ETV3: variants seen among roughly 807,000 people sequenced by gnomAD.
The protein encoded by ETV3 is ETS variant transcription factor 3.
ETV3 carries 8 observed loss-of-function variants against 33.0 expected under a neutral mutation model. That is an observed-to-expected ratio of 0.24 (90% confidence interval 0.14 to 0.44). The LOEUF is 0.44. Among genes scored for constraint, ETV3 ranks in the 20% least tolerant of loss-of-function variants. The pLI is 1.00. For missense variants in ETV3, 473 were observed against 652.3 expected (o/e 0.73, Z 2.99); for synonymous variants, 222 against 238.9 (o/e 0.93, Z 0.65).
At chr1:157,136,201 G>A (rs553651387) in intron 2 of ETV3, 106 bp downstream of exon 2, 27 of 1,073,122 alleles carry the variant, frequency 2.5e-5, no homozygotes, top group Non-Finnish European at 3.7e-5. Flanking sequence ...CTAGCCAAGA[G>A]AGTGTCAGTC....
chr1:157,124,785 TA>T lies in ETV3; in HGVS notation c.*55del. The stretch of plus-strand genomic sequence containing the variant: ...CCCCCCACCCTGAAATCTTGCTACA[TA>T]AATACATGTATGTATTTGATTATAG... On this transcript the variant is annotated 3_prime_UTR_variant, in exon 5 of 5. Coordinates refer to ENST00000368192, the MANE Select transcript of ETV3 (RefSeq NM_001145312.3). 1 of 193,560 alleles carries T rather than the reference TA, an allele frequency of 5.2e-6. No individual in the cohort carries two copies. Among genetic ancestry groups the T allele is most frequent in the Non-Finnish European group, 9.0e-6 (1 of 110,902 alleles). 12.0% of individuals were successfully genotyped at this position (193,560 alleles called of 1,614,324 possible). A position where few individuals can be genotyped will look rare whatever the true frequency, so the allele number is the denominator to read the frequency against.
At chr1:157,127,228 C>T (rs1218094777) in intron 4 of ETV3, among the ~76,000 whole-genome samples, 6 of 152,248 alleles carry the variant, frequency 3.9e-5, no homozygotes, top group African/African-American at 1.4e-4. Flanking sequence ...AGACCCTATA[C>T]CTCACATACA....
In ETV3 at chr1:157,125,825, A is replaced by T. The variant is rs1409032257; in HGVS notation, c.555T>A (p.Thr185=). The change falls in exon 5 of 5, where the codon ACT becomes ACA. Residue 185 remains threonine, a synonymous_variant. Coordinates refer to ENST00000368192, the MANE Select transcript of ETV3 (RefSeq NM_001145312.3). This position sits in a 1 kb window ranked among gnomAD's most constrained non-coding sequence, Gnocchi z 4.0. ...TASGQESSNG[T]DRKTELSELE... ...GCTCTGAAAGCTCAGTCTTTCTATC[A>T]GTACCATTACTGGACTCCTGGCCAG... 6 of 1,551,608 alleles carry T rather than the reference A, an allele frequency of 3.9e-6. No individual in the cohort carries two copies. In the East Asian group the frequency reaches 1.5e-4, roughly 38 times the overall value.
At chr1:157,127,629 T>C (rs1283571830) in intron 4 of ETV3, among the ~76,000 whole-genome samples, 1 of 147,648 alleles carries the variant, frequency 6.8e-6, no homozygotes, top group Non-Finnish European at 1.5e-5. Flanking sequence ...CAATGCAACC[T>C]CCACCTCCTG....
intron 1 of ETV3, 71 bp from the exon 2 acceptor site, chr1:157,136,436 A>G: frequency 7.1e-7 from 1 of 1,406,976 alleles, no homozygotes; most frequent in South Asian, 1.3e-5. Context: ...GTTTTCTGGC[A>G]GTCTCTCCCC....
rs576940703 is a variant in ETV3 at position 157,123,132 on chromosome 1, C to T, written c.*1709G>A. On this transcript the variant is annotated 3_prime_UTR_variant, in exon 5 of 5. Coordinates refer to ENST00000368192, the MANE Select transcript of ETV3 (RefSeq NM_001145312.3). ...TAGGCTAAGGTGGAGTCAGAAATGT[C>T]TCTAATTGTAGACACCATCTCTGTG... is the stretch of plus-strand genomic sequence containing the variant. 4 of 152,340 alleles carry T rather than the reference C, an allele frequency of 2.6e-5. No homozygotes were observed. The East Asian group carries it at 7.7e-4, about 29-fold the overall frequency. The allele number at this position is 152,340 out of a possible 1,614,324, so 9.4% of individuals were successfully genotyped here.
chr1:157,135,076 T>A (rs1198173198), intron 3 of ETV3: 1 of 249,950 alleles, frequency 4.0e-6, no homozygotes, highest in Non-Finnish European at 7.7e-6. Context: ...ACTTGCTTCA[T>A]CCTTTTCTAA....
intron 4 of ETV3, among the ~76,000 whole-genome samples, chr1:157,130,301 T>C (rs1310335934): frequency 6.6e-6 from 1 of 152,176 alleles, no homozygotes; most frequent in Non-Finnish European, 1.5e-5. Context: ...CTGGGAAGCA[T>C]TGCTTCTAGC....
Position 157,125,937 on chromosome 1 carries a change from G to C in ETV3, c.443C>G (p.Ser148Cys). Residue 148 changes from serine (S) to cysteine (C), a missense_variant, in exon 5 of 5, where the codon TCC (serine) becomes TGC (cysteine). Physicochemically the swap from Ser to Cys is moderately radical, Grantham distance 112 (BLOSUM62 -1). Coordinates refer to ENST00000368192, the MANE Select transcript of ETV3 (RefSeq NM_001145312.3). This position sits in a 1 kb window ranked among gnomAD's most constrained non-coding sequence, Gnocchi z 4.0. ...GTCCAGAGGTGGGAAATGGAACCGG[G>C]AAGAGGCTGTTGGCACTGGTGGTGC... is the stretch of plus-strand genomic sequence containing the variant. ...QSAPPVPTASSRFHFPPLDTH... is the reference protein window; with the variant it reads ...QSAPPVPTASCRFHFPPLDTH... 1 of 1,551,652 alleles carries C rather than the reference G, an allele frequency of 6.4e-7. No individual in the cohort carries two copies. Among genetic ancestry groups the C allele is most frequent in the Non-Finnish European group, 8.7e-7 (1 of 1,146,974 alleles).
rs1405097486 is a variant in ETV3, at chr1:157,134,290, G to A, written c.285-63C>T. 3 of 1,558,406 alleles carry A rather than the reference G, an allele frequency of 1.9e-6. No individual in the cohort carries two copies. The South Asian group carries it at 3.7e-5, about 19-fold the overall frequency. ...CTACTGACAGCTTTCAATACACTTA[G>A]GTAGCCACTGAGACCAACAATTCTT... On this transcript the variant is annotated intron_variant, in intron 3 of 4. Transcript: ENST00000368192.
rs531755612 is a variant in ETV3, at chr1:157,123,897, TCA to T, written c.*942_*943del. The T allele has an allele frequency of 7.2e-5, 11 of 152,192 alleles. No homozygotes were observed. The highest frequency in any genetic ancestry group is 3.9e-4 in the Admixed American group (6 of 15,292). The allele number at this position is 152,192 out of a possible 1,614,324, so 9.4% of individuals were successfully genotyped here. On this transcript the variant is annotated 3_prime_UTR_variant, in exon 5 of 5. Coordinates refer to ENST00000368192, the MANE Select transcript of ETV3 (RefSeq NM_001145312.3). ...TTGTCATGCCTCTCAGTGAACGTGC[TCA>T]CAGTCACACTTGGTTTGGCTCCCCA...
rs1674815695 is a variant in ETV3 at position 157,125,671 on chromosome 1, G to C, written c.709C>G (p.Pro237Ala). Residue 237 changes from proline to alanine, a missense_variant, in exon 5 of 5, where the codon CCA (proline) becomes GCA (alanine). Pro to Ala is a conservative substitution (Grantham distance 27). Transcript: ENST00000368192. The surrounding 1 kb of genome is among the most constrained non-coding windows in gnomAD (Gnocchi z 4.0). ...PDIMLPLFAR[P>A]GMYPDPHSPF... ...CTGTGGGGGTCAGGGTACATCCCTG[G>C]CCTAGCAAACAGAGGAAGCATTATG... 2 of 1,551,530 alleles carry C rather than the reference G, an allele frequency of 1.3e-6. No individual in the cohort carries two copies. Among genetic ancestry groups the C allele is most frequent in the Non-Finnish European group, 1.7e-6 (2 of 1,146,976 alleles).
chr1:157,124,754 T>TGCC lies in ETV3; in HGVS notation c.*86_*87insGGC. 3.0e-6 allele frequency: 1 copy of TGCC among 328,824 alleles called. No individual in the cohort carries two copies. Among genetic ancestry groups the TGCC allele is most frequent in the Admixed American group, 4.8e-5 (1 of 21,020 alleles). The allele number at this position is 328,824 out of a possible 1,614,324, so 20.4% of individuals were successfully genotyped here. A position where few individuals can be genotyped will look rare whatever the true frequency, so the allele number is the denominator to read the frequency against. On this transcript the variant is annotated 3_prime_UTR_variant, in exon 5 of 5. Coordinates refer to ENST00000368192, the MANE Select transcript of ETV3 (RefSeq NM_001145312.3). Reference sequence around the variant, plus strand: ...CCTAGAATGATCAAACCAGTTTAACTCCCTCCCCCCCACCCTGAAATCTTG... The same window carrying TGCC: ...CCTAGAATGATCAAACCAGTTTAACTGCCCCCTCCCCCCCACCCTGAAATCTTG...
At position 157,125,384 on chromosome 1, in the gene ETV3, G is replaced by A. The variant is rs1409146567; in HGVS notation, c.996C>T (p.Cys332=). The change falls in exon 5 of 5, where the codon TGC becomes TGT. Residue 332 remains cysteine, a synonymous_variant. Coordinates refer to ENST00000368192, the MANE Select transcript of ETV3 (RefSeq NM_001145312.3). This position sits in a 1 kb window ranked among gnomAD's most constrained non-coding sequence, Gnocchi z 4.0. Reference sequence around the variant, plus strand: ...GAGTTGACTCCTCAGGATGCATTTGGCACTGCAGTGGTGGAACCATGAGCC... The same window carrying A: ...GAGTTGACTCCTCAGGATGCATTTGACACTGCAGTGGTGGAACCATGAGCC... ...YPGLMVPPLQ[C]QMHPEESTQF... is the part of the protein sequence containing the mutation. The A allele has an allele frequency of 3.9e-6, 6 of 1,552,068 alleles. No homozygotes were observed. Among genetic ancestry groups the A allele is most frequent in the Non-Finnish European group, 5.2e-6 (6 of 1,147,078 alleles).
chr1:157,135,681 T>C lies in ETV3; in HGVS notation c.74A>G (p.Lys25Arg), dbSNP rs1442559657. 1 of 1,614,224 alleles carries C rather than the reference T, an allele frequency of 6.2e-7. No individual in the cohort carries two copies. Among genetic ancestry groups the C allele is most frequent in the South Asian group, 1.1e-5 (1 of 91,088 alleles). The change falls in exon 3 of 5, where the codon AAA (lysine) becomes AGA (arginine). Residue 25 changes from lysine to arginine, a missense_variant. Transcript: ENST00000368192. ...GGYQFPDWAYKTESSPGSRQI... is the reference protein window; with the variant it reads ...GGYQFPDWAYRTESSPGSRQI... The stretch of plus-strand genomic sequence containing the variant: ...CCGGGAGCCTGGGGATGACTCTGTT[T>C]TGTAGGCCCAGTCAGGAAACTGATA...
chr1:157,128,471 TG>T, intron 4 of ETV3: 1 of 314,534 alleles, frequency 3.2e-6, no homozygotes. Flanking sequence ...CATGTCTCTT[TG>T]GGTGGAAGAC....
chr1:157,135,133 T>C (rs1675067964), intron 3 of ETV3: 3 of 348,064 alleles, frequency 8.6e-6, no homozygotes, highest in Non-Finnish European at 1.6e-5. Context: ...CAGATTCTAA[T>C]AGAGAAGTCT....
chr1:157,129,218 G>GA (rs767814957), intron 4 of ETV3, among the ~76,000 whole-genome samples: 1 of 152,152 alleles, frequency 6.6e-6, no homozygotes, highest in Non-Finnish European at 1.5e-5. Flanking sequence ...TTTACTTATT[G>GA]AAAGGCATTT....
rs1278004006 is a variant in ETV3, at chr1:157,122,155, A to G, written c.*2686T>C. On this transcript the variant is annotated 3_prime_UTR_variant, in exon 5 of 5. Coordinates refer to ENST00000368192, the MANE Select transcript of ETV3 (RefSeq NM_001145312.3). ...CCCCTTTTTCCACCTGCTGCTGGAC[A>G]GTGATGAGATGCTCACAGAAGAAAA... is the stretch of plus-strand genomic sequence containing the variant. The G allele has an allele frequency of 6.6e-6, 1 of 152,210 alleles. No individual in the cohort carries two copies. The highest frequency in any genetic ancestry group is 1.5e-5 in the Non-Finnish European group (1 of 68,032). 9.4% of individuals were successfully genotyped at this position (152,210 alleles called of 1,614,324 possible). A position where few individuals can be genotyped will look rare whatever the true frequency, so the allele number is the denominator to read the frequency against.
Sources: gnomAD v4.1 joint callset for allele counts (sites outside exome capture counted in the v4.1 genomes callset) on GRCh38, gnomAD v4.1.1 for gene constraint, Gnocchi (gnomAD v3.1) non-coding constraint, MANE v1.5 for transcripts, NCBI Gene and HGNC (gene_info 2026-07-23, HGNC 2026-07-21) for gene names.